The following JADE1 variants were observed in gnomAD, a reference collection of about 807,000 sequenced individuals.
JADE1 encodes the protein jade family PHD finger 1.
JADE1 carries 14 observed loss-of-function variants against 81.8 expected under a neutral mutation model. The observed-to-expected ratio is 0.17, with a 90% CI of 0.11 to 0.27. JADE1 has a LOEUF of 0.27. Ranked by LOEUF, JADE1 falls within the 10% of genes least tolerant of loss-of-function variation. The pLI, the probability that JADE1 is intolerant of heterozygous loss-of-function variation, is 1.00. For synonymous variants in JADE1, 353 were observed against 391.9 expected (o/e 0.90, Z 1.17); for missense variants, 690 against 1,047.9 (o/e 0.66, Z 4.71).
chr4:128,821,434 T>A (rs1247173524), intron 1 of JADE1, among the ~76,000 whole-genome samples: 2 of 152,142 alleles, frequency 1.3e-5, no homozygotes, highest in South Asian at 2.1e-4. Context: ...ATAGCCTTTT[T>A]AAATTTTTTC....
chr4:128,828,024 C>T, intron 1 of JADE1: 1 of 269,646 alleles, frequency 3.7e-6, no homozygotes, highest in Non-Finnish European at 5.7e-6. Context: ...CTTTTGTATT[C>T]CTGTAGAACT....
intron 7 of JADE1, among the ~76,000 whole-genome samples, chr4:128,856,066 T>G (rs1730768251): frequency 6.6e-6 from 1 of 152,114 alleles, no homozygotes; most frequent in South Asian, 2.1e-4. Context: ...CAGTCCTCTT[T>G]CCTTGGCTTT....
intron 1 of JADE1, among the ~76,000 whole-genome samples, chr4:128,815,623 A>G (rs1726962279): frequency 6.6e-6 from 1 of 152,234 alleles, no homozygotes; most frequent in African/African-American, 2.4e-5. Context: ...TTGGAACAGT[A>G]AACATCAAGA....
intron 2 of JADE1, among the ~76,000 whole-genome samples, chr4:128,834,002 T>C (rs1176979191): frequency 2.0e-5 from 3 of 152,176 alleles, no homozygotes; most frequent in Non-Finnish European, 4.4e-5. Flanking sequence ...TTTTAAACTT[T>C]TACTTAATTT....
At chr4:128,834,535 T>TC (rs1407176259) in intron 2 of JADE1, among the ~76,000 whole-genome samples, 3 of 146,840 alleles carry the variant, frequency 2.0e-5, no homozygotes, top group African/African-American at 7.6e-5. Flanking sequence ...TATTTCTTTT[T>TC]TTTTTTTTTT....
At chr4:128,867,248 C>G (rs963881334) in intron 9 of JADE1, among the ~76,000 whole-genome samples, 1 of 152,194 alleles carries the variant, frequency 6.6e-6, no homozygotes, top group Non-Finnish European at 1.5e-5. Context: ...CATAAGCTAC[C>G]TGCTAACTCC....
rs1343943087 is a variant in JADE1, at chr4:128,871,924, A to G, written c.2191A>G (p.Asn731Asp). Residue 731 changes from asparagine (N) to aspartate (D), a missense_variant, in exon 11 of 11, where the codon AAT (asparagine) becomes GAT (aspartate). This residue lies in a region of JADE1 where 218 missense variants were observed against 274.3 expected (regional missense o/e 0.79). Coordinates refer to ENST00000226319, the MANE Select transcript of JADE1 (RefSeq NM_199320.4). The surrounding 1 kb of genome is among the most constrained non-coding windows in gnomAD (Gnocchi z 4.1). ...CNGSLIKVNYNQTAVKVPTTP... is the reference protein window; with the variant it reads ...CNGSLIKVNYDQTAVKVPTTP... ...TGGCTCCCTAATCAAAGTAAACTATAATCAGACTGCAGTCAAAGTGCCTAC... is the reference window on the plus strand; with the variant it reads ...TGGCTCCCTAATCAAAGTAAACTATGATCAGACTGCAGTCAAAGTGCCTAC... 9.9e-6 allele frequency: 16 copies of G among 1,613,896 alleles called. No individual in the cohort carries two copies. Among genetic ancestry groups the G allele is most frequent in the African/African-American group, 4.0e-5 (3 of 74,894 alleles).
intron 9 of JADE1, among the ~76,000 whole-genome samples, chr4:128,865,516 C>CA (rs1731716853): frequency 6.6e-6 from 1 of 152,078 alleles, no homozygotes; most frequent in South Asian, 2.1e-4. Context: ...GAAGAAGGGA[C>CA]AAGCTGGATG....
chr4:128,836,244 C>CA, intron 2 of JADE1, among the ~76,000 whole-genome samples: 1 of 152,172 alleles, frequency 6.6e-6, no homozygotes, highest in South Asian at 2.1e-4. Flanking sequence ...TTTTGACTCC[C>CA]AAAAATTTAA....
intron 1 of JADE1, chr4:128,810,274 T>C (rs1183007028): frequency 6.6e-6 from 1 of 151,792 alleles, no homozygotes; most frequent in Non-Finnish European, 1.5e-5. Flanking sequence ...ATCCTGAGAA[T>C]TGATCTATGT....
chr4:128,874,482 C>T lies in JADE1; in HGVS notation c.*2220C>T, dbSNP rs1181017525. The stretch of plus-strand genomic sequence containing the variant: ...CCAAGTTATGCTGAACCAAAAAAAA[C>T]AAAACAAAAACAAAACAAAAAATAT... On this transcript the variant is annotated 3_prime_UTR_variant, in exon 11 of 11. Transcript: ENST00000226319. 1 of 143,558 alleles carries T rather than the reference C, an allele frequency of 7.0e-6. No individual in the cohort carries two copies. The highest frequency in any genetic ancestry group is 7.0e-5 in the Admixed American group (1 of 14,344). The allele number at this position is 143,558 out of a possible 1,614,324, so 8.9% of individuals were successfully genotyped here. A position where few individuals can be genotyped will look rare whatever the true frequency, so the allele number is the denominator to read the frequency against.
chr4:128,818,069 T>G (rs966513418), intron 1 of JADE1, among the ~76,000 whole-genome samples: 5 of 152,186 alleles, frequency 3.3e-5, no homozygotes, highest in Non-Finnish European at 4.4e-5. Flanking sequence ...GGCCTTTATT[T>G]AAGTTGCTTA....
intron 5 of JADE1, 70 bp from the exon 6 acceptor site, chr4:128,851,983 TAAAC>T (rs1356130924): frequency 3.3e-6 from 3 of 897,216 alleles, no homozygotes; most frequent in Non-Finnish European, 5.3e-6. Context: ...TAAGTATAAA[TAAAC>T]CAGTACTATT....
At chr4:128,811,893 G>T (rs1300911396) in intron 1 of JADE1, 1 of 151,970 alleles carries the variant, frequency 6.6e-6, no homozygotes, top group Non-Finnish European at 1.5e-5. Context: ...AGCGGGAGCC[G>T]AGCCCGCTCG....
At chr4:128,835,770 G>A (rs919722537) in intron 2 of JADE1, among the ~76,000 whole-genome samples, 8 of 152,204 alleles carry the variant, frequency 5.3e-5, no homozygotes, top group South Asian at 2.1e-4. Flanking sequence ...GCTGCAGCAC[G>A]AGCCACAGCC....
At chr4:128,830,319 C>T (rs144331928) in intron 1 of JADE1, among the ~76,000 whole-genome samples, 3,697 of 150,690 alleles carry the variant, frequency 0.025, 83 homozygotes, top group Non-Finnish European at 0.04. Flanking sequence ...CTGCAACCTC[C>T]GCCTCCTGAG....
chr4:128,846,894 G>T lies in JADE1; in HGVS notation c.296+362G>T, dbSNP rs769885309. ...TTTCCTGCCCTCCGTATTCGCTCTG[G>T]AGAGTGGCTCTCCTGGAGAGAAGCA... is the stretch of plus-strand genomic sequence containing the variant. On this transcript the variant is annotated intron_variant, in intron 4 of 10. Transcript: ENST00000226319. This position sits in a 1 kb window ranked among gnomAD's most constrained non-coding sequence, Gnocchi z 4.0. 1.8e-4 allele frequency among the ~76,000 whole-genome samples: 28 copies of T among 152,274 alleles called. No individual in the cohort carries two copies. Among genetic ancestry groups the T allele is most frequent in the Non-Finnish European group, 3.8e-4 (26 of 68,028 alleles).
Position 128,863,201 on chromosome 4 carries a change from C to T in JADE1, c.1503+976C>T, listed in dbSNP as rs185119545. On this transcript the variant is annotated intron_variant, in intron 9 of 10. Coordinates refer to ENST00000226319, the MANE Select transcript of JADE1 (RefSeq NM_199320.4). ...CCTTCCTGCTACAGGAATAATGAGG[C>T]GTGGGCTGCCTCCCGCTAGGGCCTC... 6.7e-4 allele frequency: 660 copies of T among 985,508 alleles called. 1 individual carries two copies. The African/African-American group carries it at 9.3e-3, about 14-fold the overall frequency. 61.0% of individuals were successfully genotyped at this position (985,508 alleles called of 1,614,324 possible). A position where few individuals can be genotyped will look rare whatever the true frequency, so the allele number is the denominator to read the frequency against.
chr4:128,809,714 A>G lies in JADE1; in HGVS notation c.-190A>G. ...CATAGTCCTTCCTCCATAACAAGCCAAACGCCAGACCGAGAGTGCCTCCGT... is the reference window on the plus strand; with the variant it reads ...CATAGTCCTTCCTCCATAACAAGCCGAACGCCAGACCGAGAGTGCCTCCGT... On this transcript the variant is annotated 5_prime_UTR_variant, in exon 1 of 11. Coordinates refer to ENST00000226319, the MANE Select transcript of JADE1 (RefSeq NM_199320.4). The G allele has an allele frequency of 6.6e-6, 1 of 152,100 alleles. No individual in the cohort carries two copies. The highest frequency in any genetic ancestry group is 1.5e-5 in the Non-Finnish European group (1 of 68,030). The allele number at this position is 152,100 out of a possible 1,614,324, so 9.4% of individuals were successfully genotyped here.
Sources: allele counts gnomAD v4.1 joint callset (sites outside exome capture counted in the v4.1 genomes callset), GRCh38; gene constraint gnomAD v4.1.1; regional missense constraint gnomAD v4.1.1; non-coding constraint Gnocchi (gnomAD v3.1); transcripts MANE v1.5; gene names NCBI Gene and HGNC (gene_info 2026-07-23, HGNC 2026-07-21).